Variants in FKBP15 observed in about 807,000 individuals in gnomAD.
FKBP15 encodes the protein FK506-binding protein 15.
FKBP15 carries 106 observed loss-of-function variants against 158.1 expected under a neutral mutation model. The ratio of observed to expected loss-of-function variants is 0.67; its 90% CI spans 0.57 to 0.79. The LOEUF is 0.79. Among genes scored for constraint, FKBP15 ranks in the 30% least tolerant of loss-of-function variants. The pLI is 0.00. For missense variants in FKBP15, 1,287 were observed against 1,479.1 expected, an observed-to-expected ratio of 0.87 and a Z score of 2.13; for synonymous variants, 547 against 548.6, an observed-to-expected ratio of 1.00 and a Z score of 0.04.
At chr9:113,173,782 T>C (rs963344024) in intron 22 of FKBP15, among the ~76,000 whole-genome samples, 177 bp from the exon 23 acceptor site, 1 of 152,188 alleles carries the variant, frequency 6.6e-6, no homozygotes, top group Admixed American at 6.5e-5. Context: ...TAAGATGTCA[T>C]TGGTTGTCAG....
intron 17 of FKBP15, 23 bp from the exon 18 acceptor site, chr9:113,183,868 A>T (rs1830442834): frequency 1.9e-6 from 3 of 1,563,734 alleles, no homozygotes; most frequent in Non-Finnish European, 1.8e-6. Flanking sequence ...TATATGATGT[A>T]CAATTTAAGT....
chr9:113,190,679 C>T (rs1830559986), intron 11 of FKBP15, 101 bp from the exon 12 acceptor site: 1 of 795,714 alleles, frequency 1.3e-6, no homozygotes, highest in Non-Finnish European at 2.1e-6. Flanking sequence ...TCAACAAATC[C>T]CCCTACCATA....
At chr9:113,205,913 G>A (rs1830876383) in intron 4 of FKBP15, 1 of 152,314 alleles carries the variant, frequency 6.6e-6, no homozygotes, top group East Asian at 1.9e-4. Context: ...AAATACATCA[G>A]TCACCAAAGA....
chr9:113,218,392 TATATATATATATATATATATAC>T (rs1237927600), intron 1 of FKBP15, among the ~76,000 whole-genome samples: 3 of 88,862 alleles, frequency 3.4e-5, no homozygotes, highest in Admixed American at 2.9e-4. Flanking sequence ...TATATATATA[TATATATATATATATATATATAC>T]ATTTCTCATT....
chr9:113,178,067 G>A (rs866085259), intron 20 of FKBP15, among the ~76,000 whole-genome samples: 9 of 152,280 alleles, frequency 5.9e-5, no homozygotes, highest in African/African-American at 1.7e-4. Flanking sequence ...GACTAAAAGC[G>A]AATATTGGTA....
chr9:113,213,672 G>C (rs1831062282), intron 1 of FKBP15, among the ~76,000 whole-genome samples: 1 of 152,152 alleles, frequency 6.6e-6, no homozygotes, highest in East Asian at 1.9e-4. Context: ...ATCTGAGCTA[G>C]TATGCTTGCC....
Position 113,221,248 on chromosome 9 carries a change from T to C in FKBP15, c.-5A>G, listed in dbSNP as rs1482975187. Reference sequence around the variant, plus strand: ...CTCGTCCCCCGCACCGAACATTGCGTTGGCTTTCACCGGGTTGCGGGGAGG... The same window carrying C: ...CTCGTCCCCCGCACCGAACATTGCGCTGGCTTTCACCGGGTTGCGGGGAGG... On this transcript the variant is annotated 5_prime_UTR_variant, in exon 1 of 28. Coordinates refer to ENST00000238256, the MANE Select transcript of FKBP15 (RefSeq NM_015258.2). The C allele has an allele frequency of 6.2e-7, 1 of 1,605,472 alleles. No individual in the cohort carries two copies.
At chr9:113,171,792 A>C (rs1421659974) in intron 23 of FKBP15, 86 bp from the exon 24 acceptor site, 41 of 1,155,012 alleles carry the variant, frequency 3.5e-5, no homozygotes, top group Non-Finnish European at 4.3e-5. Context: ...CCCAAACATC[A>C]AGTCTCTTTT....
intron 2 of FKBP15, among the ~76,000 whole-genome samples, chr9:113,210,779 G>A (rs1587976133): frequency 6.6e-6 from 1 of 152,294 alleles, no homozygotes; most frequent in South Asian, 2.1e-4. Context: ...GTATAAGGCA[G>A]GCAGAAGAAG....
intron 2 of FKBP15, among the ~76,000 whole-genome samples, chr9:113,208,356 C>T (rs1564186294): frequency 6.6e-6 from 1 of 151,094 alleles, no homozygotes; most frequent in Non-Finnish European, 1.5e-5. Context: ...AAAAAAACAA[C>T]AAAAAAAAGG....
In FKBP15 at chr9:113,186,243, C is replaced by T. The variant is rs369384750; in HGVS notation, c.1498+6G>A. 3.3e-5 allele frequency: 51 copies of T among 1,551,662 alleles called. 1 individual carries two copies. Among genetic ancestry groups the T allele is most frequent in the Middle Eastern group, 3.3e-4 (2 of 6,014 alleles). ...AAGATGAGAAACTGAGGGAATTACT[C>T]CCTACCTTGGAAATGGGGAGGCTGA... On this transcript the variant is annotated splice_donor_region_variant and intron_variant, in intron 15 of 27. Transcript: ENST00000238256.
At position 113,202,574 on chromosome 9, in the gene FKBP15, A is replaced by G. The variant is rs756607730; in HGVS notation, c.455T>C (p.Ile152Thr). The G allele has an allele frequency of 6.3e-7, 1 of 1,585,444 alleles. No homozygotes were observed. Among genetic ancestry groups the G allele is most frequent in the South Asian group, 1.2e-5 (1 of 86,638 alleles). Residue 152 changes from isoleucine to threonine, a missense_variant, in exon 6 of 28, where the codon ATC (isoleucine) becomes ACC (threonine). Coordinates refer to ENST00000238256, the MANE Select transcript of FKBP15 (RefSeq NM_015258.2). ...AGCAGCCTTTTCCGACTCAAACATG[A>G]TGGACCAGTTCTGTCTCTGGTCATC... ...FYDDQRQNWS[I>T]MFESEKAAVE...
chr9:113,176,504 G>GAAAATAAAATGTT, intron 21 of FKBP15, 33 bp downstream of exon 21: 1 of 1,544,648 alleles, frequency 6.5e-7, no homozygotes. Flanking sequence ...TTATTAAACA[G>GAAAATAAAATGTT]CTAATTCTGG....
intron 27 of FKBP15, among the ~76,000 whole-genome samples, chr9:113,166,542 G>C (rs540131009): frequency 6.6e-6 from 1 of 152,384 alleles, no homozygotes; most frequent in South Asian, 2.1e-4. Context: ...GAGAGAGCGA[G>C]AGGAAGTGGG....
intron 27 of FKBP15, 47 bp downstream of exon 27, chr9:113,168,413 C>A: frequency 6.6e-7 from 1 of 1,514,676 alleles, no homozygotes; most frequent in Non-Finnish European, 9.2e-7. Flanking sequence ...AGGGAAGAGC[C>A]CCCAGGTGGG....
chr9:113,220,556 C>G (rs1356609553), intron 1 of FKBP15, among the ~76,000 whole-genome samples: 1 of 152,202 alleles, frequency 6.6e-6, no homozygotes, highest in Non-Finnish European at 1.5e-5. Context: ...CATTCAACAG[C>G]CACTTCCTGA....
chr9:113,194,054 G>A lies in FKBP15; in HGVS notation c.980C>T (p.Pro327Leu), dbSNP rs770835089. 6.2e-7 allele frequency: 1 copy of A among 1,612,934 alleles called. No individual in the cohort carries two copies. The highest frequency in any genetic ancestry group is 8.5e-7 in the Non-Finnish European group (1 of 1,179,186). ...TGATTTGAAAGGTATTGATGTGGGT[G>A]GTGACACAACAGGATCAGCAGAGAG... ...DNLSADPVVS[P>L]PTSIPFKSGE... Residue 327 changes from proline (P) to leucine (L), a missense_variant, in exon 10 of 28, where the codon CCA becomes CTA. Physicochemically the swap from Pro to Leu is moderately conservative, Grantham distance 98 (BLOSUM62 -3). Transcript: ENST00000238256.
intron 1 of FKBP15, among the ~76,000 whole-genome samples, chr9:113,218,253 T>C (rs1831180464): frequency 6.6e-6 from 1 of 151,922 alleles, no homozygotes; most frequent in African/African-American, 2.4e-5. Context: ...GCCTACCTGA[T>C]TTCAGATCCA....
At position 113,186,373 on chromosome 9, in the gene FKBP15, T is replaced by C; in HGVS notation, c.1384-10A>G. On this transcript the variant is annotated splice_polypyrimidine_tract_variant and intron_variant, in intron 14 of 27. Coordinates refer to ENST00000238256, the MANE Select transcript of FKBP15 (RefSeq NM_015258.2). ...GCATACCTGCATAGGGCTGAGAAAC[T>C]GACGAGTTACCACTGGTTGATAAAA... 1 of 1,521,994 alleles carries C rather than the reference T, an allele frequency of 6.6e-7. No individual in the cohort carries two copies. The highest frequency in any genetic ancestry group is 8.9e-7 in the Non-Finnish European group (1 of 1,119,042). The allele number at this position is 1,521,994 out of a possible 1,614,324, so 94.3% of individuals were successfully genotyped here.
Sources: allele counts gnomAD v4.1 joint callset (sites outside exome capture counted in the v4.1 genomes callset), GRCh38; gene constraint gnomAD v4.1.1; transcripts MANE v1.5; gene names NCBI Gene and HGNC (gene_info 2026-07-23, HGNC 2026-07-21).